The following CRYM variants were observed in gnomAD, a reference collection of about 807,000 sequenced individuals.
The protein encoded by CRYM is crystallin mu.
CRYM carries 18 observed loss-of-function variants against 32.9 expected under a neutral mutation model. That is an observed-to-expected ratio of 0.55 (90% CI 0.38 to 0.81). The LOEUF (loss-of-function observed/expected upper bound fraction) is 0.81, where lower values mean the gene tolerates loss of function less well. Among genes scored for constraint, CRYM ranks in the 30% least tolerant of loss-of-function variants. CRYM has a pLI of 0.00. For synonymous variants in CRYM, 153 were observed against 152.4 expected (o/e 1.00, Z -0.03); for missense variants, 337 against 393.5 (o/e 0.86, Z 1.21).
chr16:21,281,560 C>T (rs1023099945), upstream of CRYM, among the ~76,000 whole-genome samples: 4 of 152,150 alleles, frequency 2.6e-5, no homozygotes, highest in African/African-American at 9.7e-5. Flanking sequence ...ACAATTACAA[C>T]TCATCCAAAT....
chr16:21,260,881 C>A (rs983358242), intron 7 of CRYM, among the ~76,000 whole-genome samples: 2 of 152,176 alleles, frequency 1.3e-5, no homozygotes, highest in African/African-American at 4.8e-5. Context: ...ACATCTTTGT[C>A]CCCTGCCCCC....
At chr16:21,285,636 T>C (rs2093406060) in intron 1 of CRYM, among the ~76,000 whole-genome samples, 1 of 152,248 alleles carries the variant, frequency 6.6e-6, no homozygotes, top group African/African-American at 2.4e-5. Flanking sequence ...AAATAGCCAG[T>C]GTATCTAATT....
intron 1 of CRYM, among the ~76,000 whole-genome samples, chr16:21,302,738 G>A (rs9972716): frequency 6.6e-6 from 1 of 152,176 alleles, no homozygotes; most frequent in Non-Finnish European, 1.5e-5. Flanking sequence ...TAGGGGGACC[G>A]TCTTCCTTGA....
Position 21,269,859 on chromosome 16 carries a change from G to A in CRYM, c.420C>T (p.Cys140=). The change falls in exon 4 of 8, where the codon TGC becomes TGT. Residue 140 remains cysteine (C), a synonymous_variant. Transcript: ENST00000572914. The stretch of plus-strand genomic sequence containing the variant: ...AGGCCTGGACCCCAGCCCCAAGGAT[G>A]CACAGCACTTCACTGCTGGGAGGTT... ...FLKPPSSEVL[C]ILGAGVQAYS... is the part of the protein sequence containing the mutation. The A allele has an allele frequency of 6.2e-7, 1 of 1,608,082 alleles. No individual in the cohort carries two copies. Among genetic ancestry groups the A allele is most frequent in the Non-Finnish European group, 8.5e-7 (1 of 1,176,584 alleles).
chr16:21,267,883 A>G (rs2152862072), intron 4 of CRYM, 146 bp from the exon 5 acceptor site: 2 of 788,040 alleles, frequency 2.5e-6, no homozygotes, highest in South Asian at 1.5e-5. Context: ...TTCCCCATGG[A>G]GAATGGACAT....
intron 3 of CRYM, among the ~76,000 whole-genome samples, chr16:21,272,816 ATTTTTTTTTTTTTT>A (rs60416570): frequency 4.0e-4 from 17 of 42,316 alleles, no homozygotes; most frequent in East Asian, 9.9e-4. Context: ...TGCCCAGCTA[ATTTTTTTTTTTTTT>A]TTTTTTTTTT....
intron 3 of CRYM, among the ~76,000 whole-genome samples, chr16:21,275,002 A>C (rs1014359084): frequency 6.6e-6 from 1 of 152,204 alleles, no homozygotes; most frequent in African/African-American, 2.4e-5. Flanking sequence ...AGTGCCTGAC[A>C]CATGATAGAA....
At chr16:21,263,238 C>T (rs2093357866) in intron 5 of CRYM, among the ~76,000 whole-genome samples, 1 of 152,008 alleles carries the variant, frequency 6.6e-6, no homozygotes, top group Admixed American at 6.6e-5. Flanking sequence ...CCTGTCTCTA[C>T]TGAAATACAA....
chr16:21,271,449 TA>T (rs1567233789), intron 3 of CRYM, among the ~76,000 whole-genome samples: 1 of 152,244 alleles, frequency 6.6e-6, no homozygotes. Context: ...GTATAATATT[TA>T]AAAAGTGAAA....
At chr16:21,296,565 A>C (rs1194422191) in intron 1 of CRYM, among the ~76,000 whole-genome samples, 1 of 152,226 alleles carries the variant, frequency 6.6e-6, no homozygotes, top group Non-Finnish European at 1.5e-5. Context: ...ACACCAAGGA[A>C]TATTCTAATA....
upstream of CRYM, chr16:21,278,317 TTA>T (rs2093391901): frequency 6.5e-7 from 1 of 1,528,750 alleles, no homozygotes; most frequent in Non-Finnish European, 8.8e-7. Context: ...GCTGTGCCCT[TTA>T]TGAGCGCGCC....
chr16:21,294,722 T>C (rs1960750788), intron 1 of CRYM, among the ~76,000 whole-genome samples: 1 of 149,642 alleles, frequency 6.7e-6, no homozygotes, highest in African/African-American at 2.5e-5. Flanking sequence ...TTTGAGACAG[T>C]CTTGCTCTGT....
chr16:21,258,804 C>A lies in CRYM; in HGVS notation c.922G>T (p.Asp308Tyr). 6.2e-7 allele frequency: 1 copy of A among 1,614,142 alleles called. No individual in the cohort carries two copies. The highest frequency in any genetic ancestry group is 8.5e-7 in the Non-Finnish European group (1 of 1,179,992). ...EDTVAAKLIY[D>Y]SWSSGK ...TTTTATTTACCAGATGACCAGGAAT[C>A]ATAGATGAGTTTGGCTGCAACTGTG... Residue 308 changes from aspartate (D) to tyrosine (Y), a missense_variant, in exon 8 of 8, where the codon GAT becomes TAT. Transcript: ENST00000572914.
intron 5 of CRYM, among the ~76,000 whole-genome samples, chr16:21,263,551 CA>C (rs2093358439): frequency 6.6e-6 from 1 of 151,836 alleles, no homozygotes; most frequent in African/African-American, 2.4e-5. Context: ...TAACTCATGA[CA>C]AAAGAAAAAA....
At position 21,262,143 on chromosome 16, in the gene CRYM, C is replaced by T; in HGVS notation, c.689G>A (p.Arg230Lys). ...GAHINAVGAS[R>K]PDWRELDDEL... is the part of the protein sequence containing the mutation. ...ATCATCCAGTTCTCTCCAGTCAGGTCTGCTGGCTCCAACAGCTAAGAGACA... is the reference window on the plus strand; with the variant it reads ...ATCATCCAGTTCTCTCCAGTCAGGTTTGCTGGCTCCAACAGCTAAGAGACA... The change falls in exon 6 of 8, where the codon AGA becomes AAA. Residue 230 changes from arginine to lysine, a missense_variant. Transcript: ENST00000572914. The T allele has an allele frequency of 6.2e-7, 1 of 1,614,124 alleles. No individual in the cohort carries two copies. Among genetic ancestry groups the T allele is most frequent in the Non-Finnish European group, 8.5e-7 (1 of 1,180,008 alleles).
Position 21,258,724 on chromosome 16 carries a change from A to G in CRYM, c.*57T>C. On this transcript the variant is annotated 3_prime_UTR_variant, in exon 8 of 8. Transcript: ENST00000572914. ...GACTCCCTCATTTACTCTAGAAATT[A>G]TGAGAACCAGCAGCAATATTCCTCA... 1 of 1,469,156 alleles carries G rather than the reference A, an allele frequency of 6.8e-7. No individual in the cohort carries two copies. Among genetic ancestry groups the G allele is most frequent in the Non-Finnish European group, 9.5e-7 (1 of 1,048,938 alleles). 91.0% of individuals were successfully genotyped at this position (1,469,156 alleles called of 1,614,324 possible).
In CRYM at chr16:21,278,239, G is replaced by C; in HGVS notation, c.13C>G (p.Pro5Ala). Residue 5 changes from proline (P) to alanine (A), a missense_variant, in exon 1 of 8, where the codon CCA becomes GCA. Pro to Ala is a conservative substitution (Grantham distance 27). Coordinates refer to ENST00000572914, the MANE Select transcript of CRYM (RefSeq NM_001376256.1). MSRVPAFLSAAEVEE... is the reference protein window; with the variant it reads MSRVAAFLSAAEVEE... ...ACCTCGGCCGCGCTCAGGAACGCTGGTACCCGGCTCATCTCGCCACCTGTG... is the reference window on the plus strand; with the variant it reads ...ACCTCGGCCGCGCTCAGGAACGCTGCTACCCGGCTCATCTCGCCACCTGTG... The C allele has an allele frequency of 2.5e-6, 4 of 1,584,282 alleles. No homozygotes were observed. The East Asian group carries it at 9.3e-5, about 37-fold the overall frequency.
At chr16:21,268,618 T>G (rs1436272358) in intron 4 of CRYM, 14 of 152,150 alleles carry the variant, frequency 9.2e-5, no homozygotes, top group Admixed American at 9.2e-4. Flanking sequence ...CGGCCGGAAG[T>G]GCATGGTTAA....
chr16:21,296,864 C>G (rs1280260062), intron 1 of CRYM, among the ~76,000 whole-genome samples: 1 of 151,704 alleles, frequency 6.6e-6, no homozygotes. Flanking sequence ...CAAAAATTAG[C>G]CGGGCATGGT....
Sources: gnomAD v4.1 joint callset for allele counts (sites outside exome capture counted in the v4.1 genomes callset) on GRCh38, gnomAD v4.1.1 for gene constraint, MANE v1.5 for transcripts, NCBI Gene and HGNC (gene_info 2026-07-23, HGNC 2026-07-21) for gene names.